Variants in TTLL5 observed in about 807,000 individuals in gnomAD.
TTLL5 encodes tubulin polyglutamylase TTLL5.
A neutral mutation model predicts 168.4 loss-of-function variants in TTLL5; 132 were observed. The observed-to-expected ratio is 0.78, with a 90% CI of 0.68 to 0.91. The LOEUF is 0.91. Ranked by LOEUF, TTLL5 falls within the 40% of genes least tolerant of loss-of-function variation. TTLL5 has a pLI of 0.00. For synonymous variants in TTLL5, 546 were observed against 558.6 expected (o/e 0.98, Z 0.32); for missense variants, 1,545 against 1,581.5 (o/e 0.98, Z 0.39).
chr14:75,875,531 AC>A (rs930942174), intron 29 of TTLL5, among the ~76,000 whole-genome samples: 1 of 150,830 alleles, frequency 6.6e-6, no homozygotes, highest in Admixed American at 6.6e-5. Flanking sequence ...ACAGAGTGAG[AC>A]TCCATCTCAA....
chr14:75,832,039 G>C (rs1235660714), intron 28 of TTLL5, among the ~76,000 whole-genome samples: 3 of 152,096 alleles, frequency 2.0e-5, no homozygotes, highest in Admixed American at 6.6e-5. Flanking sequence ...TTCTGTGATA[G>C]ATTGGGGTGT....
At chr14:75,733,454 A>AT (rs1185856238) in intron 13 of TTLL5, among the ~76,000 whole-genome samples, 141 of 143,432 alleles carry the variant, frequency 9.8e-4, no homozygotes, top group African/African-American at 2.8e-3. Context: ...TATAACTTGT[A>AT]TTTTTTTTTT....
intron 31 of TTLL5, among the ~76,000 whole-genome samples, chr14:75,913,318 C>G (rs2033466001): frequency 6.6e-6 from 1 of 152,122 alleles, no homozygotes; most frequent in Non-Finnish European, 1.5e-5. Context: ...TGTCCTCAAC[C>G]ACTTTTCTCC....
chr14:75,843,846 A>G (rs970741691), intron 28 of TTLL5, among the ~76,000 whole-genome samples: 4 of 92,616 alleles, frequency 4.3e-5, no homozygotes, highest in African/African-American at 1.9e-4. Flanking sequence ...TTCTCATTTT[A>G]TATTTATTTT....
intron 31 of TTLL5, chr14:75,902,521 C>T (rs953072326): frequency 1.8e-6 from 1 of 565,084 alleles, no homozygotes; most frequent in African/African-American, 1.9e-5. Flanking sequence ...ATTTCACTGT[C>T]TATGTTGTAT....
chr14:75,924,534 C>T (rs2033941811), intron 31 of TTLL5, among the ~76,000 whole-genome samples: 1 of 151,912 alleles, frequency 6.6e-6, no homozygotes, highest in Non-Finnish European at 1.5e-5. Context: ...GCACATCTTG[C>T]ACCACCCTTA....
At position 75,954,413 on chromosome 14, in the gene TTLL5, C is replaced by T. The variant is rs1185602798; in HGVS notation, c.3824-11C>T. ...TTTCATTCATTTCATGGTTGCCTTT[C>T]TCTTTTTCAGATCCTGCTCACACTA... On this transcript the variant is annotated splice_polypyrimidine_tract_variant and intron_variant, in intron 31 of 31. Coordinates refer to ENST00000298832, the MANE Select transcript of TTLL5 (RefSeq NM_015072.5). The T allele has an allele frequency of 6.2e-7, 1 of 1,613,934 alleles. No individual in the cohort carries two copies. Among genetic ancestry groups the T allele is most frequent in the South Asian group, 1.1e-5 (1 of 91,076 alleles).
At position 75,924,944 on chromosome 14, in the gene TTLL5, G is replaced by A. The variant is rs562053768; in HGVS notation, c.3823+22720G>A. On this transcript the variant is annotated intron_variant, in intron 31 of 31. Coordinates refer to ENST00000298832, the MANE Select transcript of TTLL5 (RefSeq NM_015072.5). Reference sequence around the variant, plus strand: ...CCCCCACCTCCCTCCTGGACGGGGCGGCTGGCCAGGCGGAGGGCCGACCCC... The same window carrying A: ...CCCCCACCTCCCTCCTGGACGGGGCAGCTGGCCAGGCGGAGGGCCGACCCC... Among the ~76,000 whole-genome samples, 25 of 149,314 alleles carry A rather than the reference G, an allele frequency of 1.7e-4. 1 individual carries two copies. The highest frequency in any genetic ancestry group is 6.0e-4 in the East Asian group (3 of 4,990).
intron 28 of TTLL5, among the ~76,000 whole-genome samples, chr14:75,847,396 T>C (rs957784391): frequency 3.3e-5 from 5 of 152,038 alleles, no homozygotes; most frequent in Non-Finnish European, 5.9e-5. Flanking sequence ...GGACTTTCTC[T>C]TGGTTTGTGA....
At chr14:75,939,391 T>G (rs1348596224) in intron 31 of TTLL5, among the ~76,000 whole-genome samples, 1 of 152,158 alleles carries the variant, frequency 6.6e-6, no homozygotes, top group Non-Finnish European at 1.5e-5. Context: ...TTCATTTCAT[T>G]TCATTTTATT....
At chr14:75,933,291 C>T (rs556633334) in intron 31 of TTLL5, among the ~76,000 whole-genome samples, 1 of 151,948 alleles carries the variant, frequency 6.6e-6, no homozygotes, top group East Asian at 1.9e-4. Context: ...CTCATCTCTA[C>T]AAAAAAAAAT....
chr14:75,682,621 T>C (rs1159353108), intron 4 of TTLL5, among the ~76,000 whole-genome samples: 2 of 152,092 alleles, frequency 1.3e-5, no homozygotes, highest in East Asian at 3.9e-4. Context: ...CCAAAGAAAG[T>C]TGGAAGATTG....
chr14:75,953,334 T>C (rs1053852030), intron 31 of TTLL5, among the ~76,000 whole-genome samples: 1 of 152,298 alleles, frequency 6.6e-6, no homozygotes, highest in African/African-American at 2.4e-5. Flanking sequence ...GAAAATAAGA[T>C]GGCATTAGAG....
intron 30 of TTLL5, among the ~76,000 whole-genome samples, chr14:75,891,241 C>G (rs1005722077): frequency 6.6e-6 from 1 of 152,184 alleles, no homozygotes; most frequent in Non-Finnish European, 1.5e-5. Flanking sequence ...CCTCTTGAAC[C>G]TAAGTCCTGC....
chr14:75,793,105 G>A lies in TTLL5; in HGVS notation c.3171+5G>A, dbSNP rs374699458. On this transcript the variant is annotated splice_donor_5th_base_variant and intron_variant, in intron 27 of 31. Coordinates refer to ENST00000298832, the MANE Select transcript of TTLL5 (RefSeq NM_015072.5). The stretch of plus-strand genomic sequence containing the variant: ...ATCAACCTCCTCACCCAACAGGTAC[G>A]GATGGTCTGGGGTGTCCAAGAGCTC... 21 of 1,604,282 alleles carry A rather than the reference G, an allele frequency of 1.3e-5. No homozygotes were observed. Among genetic ancestry groups the A allele is most frequent in the Non-Finnish European group, 1.8e-5 (21 of 1,174,336 alleles).
At chr14:75,820,611 A>C (rs1034785034) in intron 28 of TTLL5, 2 of 154,292 alleles carry the variant, frequency 1.3e-5, no homozygotes, top group African/African-American at 4.8e-5. Flanking sequence ...AGTTTCATAT[A>C]ACTGAACTCA....
Position 75,913,224 on chromosome 14 carries a change from C to T in TTLL5, c.3823+11000C>T, listed in dbSNP as rs1205123444. 3.9e-5 allele frequency among the ~76,000 whole-genome samples: 6 copies of T among 152,124 alleles called. No individual in the cohort carries two copies. In the East Asian group the frequency reaches 1.2e-3, roughly 29 times the overall value. ...CATGTGGCATGTTGATTGTCTGCTC[C>T]CTGACTCCCATACACAGTTTCCTCT... On this transcript the variant is annotated intron_variant, in intron 31 of 31. Transcript: ENST00000298832.
At chr14:75,785,176 C>CTTTTTTTTTTTTTT (rs903930146) in intron 26 of TTLL5, among the ~76,000 whole-genome samples, 1 of 102,558 alleles carries the variant, frequency 9.8e-6, no homozygotes, top group Non-Finnish European at 1.9e-5. Flanking sequence ...AGATTTCCTC[C>CTTTTTTTTTTTTTT]TTTTTTTTTT....
chr14:75,888,743 G>A (rs1254271884), intron 30 of TTLL5, among the ~76,000 whole-genome samples: 1 of 151,976 alleles, frequency 6.6e-6, no homozygotes, highest in Non-Finnish European at 1.5e-5. Flanking sequence ...AGACCAGCCT[G>A]GCCAACATGG....
Sources: gnomAD v4.1 joint callset for allele counts (sites outside exome capture counted in the v4.1 genomes callset) on GRCh38, gnomAD v4.1.1 for gene constraint, MANE v1.5 for transcripts, NCBI Gene and HGNC (gene_info 2026-07-23, HGNC 2026-07-21) for gene names.